GTF2I: variants seen among roughly 807,000 people sequenced by gnomAD.
GTF2I encodes general transcription factor II-I.
Under a neutral mutation model 67.6 loss-of-function variants are expected in GTF2I, and 12 were observed. The observed-to-expected ratio is 0.18, with a 90% CI of 0.11 to 0.29. The LOEUF (loss-of-function observed/expected upper bound fraction) is 0.29. GTF2I is among the 10% of genes least tolerant of loss of function. The pLI, the probability that GTF2I is intolerant of heterozygous loss-of-function variation, is 1.00. For missense variants in GTF2I, 271 were observed against 580.1 expected, an observed-to-expected ratio of 0.47 and a Z score of 5.47; for synonymous variants, 149 against 197.0, an observed-to-expected ratio of 0.76 and a Z score of 2.04.
intron 1 of GTF2I, among the ~76,000 whole-genome samples, chr7:74,680,987 A>G (rs1249277642): frequency 6.6e-6 from 1 of 152,242 alleles, no homozygotes; most frequent in Non-Finnish European, 1.5e-5. Context: ...AAGGCATCAC[A>G]TATACAGTAG....
intron 1 of GTF2I, among the ~76,000 whole-genome samples, chr7:74,686,873 G>A (rs1787784869): frequency 6.6e-6 from 1 of 151,506 alleles, no homozygotes; most frequent in Non-Finnish European, 1.5e-5. Flanking sequence ...ATGGGGATAA[G>A]TGTTTTGTTT....
At chr7:74,685,619 T>C (rs1160152349) in intron 1 of GTF2I, among the ~76,000 whole-genome samples, 1 of 151,698 alleles carries the variant, frequency 6.6e-6, no homozygotes, top group Admixed American at 6.6e-5. Flanking sequence ...ATACAAAAAT[T>C]AGTTGGGCGT....
At chr7:74,720,650 TAGG>T (rs1335992052) in intron 12 of GTF2I, among the ~76,000 whole-genome samples, 1 of 151,972 alleles carries the variant, frequency 6.6e-6, no homozygotes, top group Non-Finnish European at 1.5e-5. Flanking sequence ...GAGATATTAA[TAGG>T]AGGTTATTAA....
At chr7:74,690,681 C>A (rs1554396769) in intron 2 of GTF2I, among the ~76,000 whole-genome samples, 1 of 152,180 alleles carries the variant, frequency 6.6e-6, no homozygotes, top group African/African-American at 2.4e-5. Context: ...TTCGTCTGTC[C>A]AGCCCTGCCT....
At chr7:74,672,698 C>T (rs766387105) in intron 1 of GTF2I, among the ~76,000 whole-genome samples, 1 of 152,126 alleles carries the variant, frequency 6.6e-6, no homozygotes, top group Non-Finnish European at 1.5e-5. Flanking sequence ...CCTGCCTATT[C>T]CAGGTCTAGT....
chr7:74,720,889 T>C (rs1211718476), intron 12 of GTF2I, among the ~76,000 whole-genome samples: 1 of 152,034 alleles, frequency 6.6e-6, no homozygotes, highest in Non-Finnish European at 1.5e-5. Flanking sequence ...AGAATGTAAA[T>C]ACTTGCTTTT....
chr7:74,698,294 GTTGACCA>G (rs1789218011), intron 3 of GTF2I, among the ~76,000 whole-genome samples: 4 of 149,708 alleles, frequency 2.7e-5, no homozygotes, highest in African/African-American at 9.8e-5. Context: ...GTTTCATCAT[GTTGACCA>G]GGACGCTCTC....
rs782438203 is a variant in GTF2I, at chr7:74,691,026, A to G, written c.153A>G (p.Glu51=). 2 of 1,613,408 alleles carry G rather than the reference A, an allele frequency of 1.2e-6. No individual in the cohort carries two copies. The highest frequency in any genetic ancestry group is 2.2e-5 in the East Asian group (1 of 44,892). Residue 51 remains glutamate, a synonymous_variant, in exon 3 of 35, where the codon GAA becomes GAG. Coordinates refer to ENST00000573035, the MANE Select transcript of GTF2I (RefSeq NM_032999.4). ...KAEVACIAVY[E]TDVFVVGTER... is the part of the protein sequence containing the mutation. ...AAGTGGCCTGCATTGCAGTGTATGA[A>G]ACAGACGTGTTTGTCGTCGGAACTG...
At chr7:74,677,881 G>A (rs1554392881) in intron 1 of GTF2I, among the ~76,000 whole-genome samples, 1 of 151,778 alleles carries the variant, frequency 6.6e-6, no homozygotes, top group Admixed American at 6.6e-5. Context: ...CTGGAAAGCT[G>A]GAAGACACCA....
In GTF2I at chr7:74,700,615, A is replaced by G. The variant is rs782141408; in HGVS notation, c.567A>G (p.Leu189=). The change falls in exon 6 of 35, where the codon TTA becomes TTG. Residue 189 remains leucine (L), a synonymous_variant. Transcript: ENST00000573035. ...GISFIIKRPF[L]EPKKHVGGRV... ...TTTTGTTTTAATGCAGACCTTTTTT[A>G]GAGCCAAAGAAGCATGTAGGTAAGT... is the stretch of plus-strand genomic sequence containing the variant. 2 of 1,614,090 alleles carry G rather than the reference A, an allele frequency of 1.2e-6. No individual in the cohort carries two copies. Among genetic ancestry groups the G allele is most frequent in the Admixed American group, 3.3e-5 (2 of 60,010 alleles).
In GTF2I at chr7:74,711,046, A is replaced by G; in HGVS notation, c.700A>G (p.Met234Val). 6.5e-7 allele frequency: 1 copy of G among 1,537,952 alleles called. No homozygotes were observed. The highest frequency in any genetic ancestry group is 8.9e-7 in the Non-Finnish European group (1 of 1,127,956). Residue 234 changes from methionine to valine, a missense_variant, in exon 9 of 35, where the codon ATG becomes GTG. Met to Val is a conservative substitution (Grantham distance 21). Coordinates refer to ENST00000573035, the MANE Select transcript of GTF2I (RefSeq NM_032999.4). ...TGCTTTTCTAGGCATTTCCCTGGAA[A>G]TGGCAGCTGTGACAGTAAAGGAAGA... ...PTEDSGISLE[M>V]AAVTVKEESE...
At position 74,691,128 on chromosome 7, in the gene GTF2I, T is replaced by A. The variant is rs1554396942; in HGVS notation, c.238+17T>A. 6.5e-7 allele frequency: 1 copy of A among 1,528,516 alleles called. No homozygotes were observed. Among genetic ancestry groups the A allele is most frequent in the Non-Finnish European group, 9.0e-7 (1 of 1,109,496 alleles). The allele number at this position is 1,528,516 out of a possible 1,614,324, so 94.7% of individuals were successfully genotyped here. A position where few individuals can be genotyped will look rare whatever the true frequency, so the allele number is the denominator to read the frequency against. ...TAAAATATTGTAAGCATTGTATTTT[T>A]ATCTTTTGCATTTCATTAATTTTAA... On this transcript the variant is annotated intron_variant, in intron 3 of 34. Coordinates refer to ENST00000573035, the MANE Select transcript of GTF2I (RefSeq NM_032999.4).
chr7:74,749,919 G>T, intron 26 of GTF2I, among the ~76,000 whole-genome samples: 1 of 146,572 alleles, frequency 6.8e-6, no homozygotes. Context: ...AAAAGAAGAA[G>T]AAATTTTCCT....
At chr7:74,733,342 A>ACC (rs1794643746) in intron 15 of GTF2I, among the ~76,000 whole-genome samples, 1 of 114,448 alleles carries the variant, frequency 8.7e-6, no homozygotes, top group African/African-American at 3.4e-5. Flanking sequence ...GATTTTTGTA[A>ACC]TATGCTTCAA....
intron 3 of GTF2I, among the ~76,000 whole-genome samples, chr7:74,696,552 G>A (rs1562956829): frequency 6.6e-6 from 1 of 151,662 alleles, no homozygotes; most frequent in Non-Finnish European, 1.5e-5. Context: ...GAGTGCAGTG[G>A]CACGATCTCA....
chr7:74,691,205 T>TTTA, intron 3 of GTF2I, 94 bp downstream of exon 3: 1 of 968,162 alleles, frequency 1.0e-6, no homozygotes, highest in Non-Finnish European at 1.5e-6. Context: ...TCTTTCTTTC[T>TTTA]TTCTTTTTTT....
chr7:74,697,946 T>TTTTG (rs1283202827), intron 3 of GTF2I, among the ~76,000 whole-genome samples: 1 of 147,828 alleles, frequency 6.8e-6, no homozygotes, highest in African/African-American at 2.4e-5. Flanking sequence ...TTTTTGTATT[T>TTTTG]TTTGTTTGTT....
intron 11 of GTF2I, among the ~76,000 whole-genome samples, chr7:74,718,310 A>G (rs1554403983): frequency 6.6e-6 from 1 of 152,252 alleles, no homozygotes; most frequent in East Asian, 1.9e-4. Flanking sequence ...TTCTAGCACT[A>G]ACACTCTGAT....
intron 1 of GTF2I, among the ~76,000 whole-genome samples, chr7:74,658,335 G>A (rs1157415587): frequency 1.3e-5 from 2 of 148,600 alleles, no homozygotes; most frequent in Non-Finnish European, 3.0e-5. Context: ...GCACGGACGC[G>A]GTCGCGGGGG....
Sources: allele counts gnomAD v4.1 joint callset (sites outside exome capture counted in the v4.1 genomes callset), GRCh38; gene constraint gnomAD v4.1.1; transcripts MANE v1.5; gene names NCBI Gene and HGNC (gene_info 2026-07-23, HGNC 2026-07-21).